The following OLA1 variants were observed in gnomAD, a reference collection of about 807,000 sequenced individuals.
OLA1 encodes the protein Obg like ATPase 1.
In OLA1, 14 loss-of-function variants were observed where a neutral mutation model predicts 48.4. The observed-to-expected ratio is 0.29, with a 90% CI of 0.19 to 0.45. The LOEUF (loss-of-function observed/expected upper bound fraction) is 0.45. Ranked by LOEUF, OLA1 falls within the 20% of genes least tolerant of loss-of-function variation. The pLI is 1.00. For synonymous variants in OLA1, 127 were observed against 150.4 expected (o/e 0.84, Z 1.14); for missense variants, 325 against 467.1 (o/e 0.70, Z 2.80).
intron 4 of OLA1, among the ~76,000 whole-genome samples, chr2:174,188,974 T>A (rs1687716486): frequency 6.6e-6 from 1 of 152,132 alleles, no homozygotes; most frequent in African/African-American, 2.4e-5. Context: ...ATATCTTAAT[T>A]ATATAAAAGG....
At chr2:174,245,666 G>A (rs191339990) in intron 2 of OLA1, among the ~76,000 whole-genome samples, 18 of 152,328 alleles carry the variant, frequency 1.2e-4, no homozygotes, top group African/African-American at 4.1e-4. Flanking sequence ...AGCCAAGGCA[G>A]GCAGATCACC....
intron 2 of OLA1, among the ~76,000 whole-genome samples, chr2:174,244,829 G>A (rs189069502): frequency 2.2e-4 from 33 of 151,904 alleles, no homozygotes; most frequent in African/African-American, 7.0e-4. Context: ...ATGGGGTTTC[G>A]CCATGTTGGC....
At chr2:174,123,526 C>G in intron 6 of OLA1, 69 bp downstream of exon 6, 1 of 905,824 alleles carries the variant, frequency 1.1e-6, no homozygotes, top group Non-Finnish European at 1.7e-6. Context: ...AAAATAACAA[C>G]AACTCTAATT....
At chr2:174,246,882 A>G (rs1689137102) in intron 1 of OLA1, 67 bp from the exon 2 acceptor site, 3 of 834,768 alleles carry the variant, frequency 3.6e-6, no homozygotes, top group Non-Finnish European at 6.0e-6. Context: ...AACACATTTC[A>G]TCACATACAA....
chr2:174,174,035 C>CAAAAAAAAAAAA (rs112671944), intron 4 of OLA1, among the ~76,000 whole-genome samples: 2 of 135,602 alleles, frequency 1.5e-5, no homozygotes, highest in African/African-American at 2.7e-5. Flanking sequence ...CACACACACA[C>CAAAAAAAAAAAA]AAAAAAAAAA....
chr2:174,149,334 C>A (rs1216638245), intron 4 of OLA1, among the ~76,000 whole-genome samples: 2 of 152,058 alleles, frequency 1.3e-5, no homozygotes, highest in African/African-American at 4.8e-5. Flanking sequence ...TTTCTCTGGT[C>A]ATTTCTTTTC....
At chr2:174,183,328 G>A (rs1262862203) in intron 4 of OLA1, among the ~76,000 whole-genome samples, 2 of 152,220 alleles carry the variant, frequency 1.3e-5, no homozygotes, top group Non-Finnish European at 2.9e-5. Flanking sequence ...GTGCAATGAT[G>A]AGCCAAACTA....
chr2:174,100,719 T>C (rs1685373012), intron 7 of OLA1, among the ~76,000 whole-genome samples: 1 of 152,154 alleles, frequency 6.6e-6, no homozygotes, highest in Non-Finnish European at 1.5e-5. Context: ...AATGTACAGA[T>C]CTTAGATGTT....
At chr2:174,203,680 T>C (rs191085271) in intron 4 of OLA1, among the ~76,000 whole-genome samples, 9 of 152,274 alleles carry the variant, frequency 5.9e-5, no homozygotes, top group Admixed American at 5.2e-4. Context: ...TCCTCCATTT[T>C]ACTCTAGATA....
intron 4 of OLA1, among the ~76,000 whole-genome samples, chr2:174,144,949 A>ATATATATATAT (rs1328085797): frequency 2.2e-3 from 126 of 56,966 alleles, no homozygotes; most frequent in East Asian, 0.018. Context: ...AAAAAAAAAA[A>ATATATATATAT]AAATATATAT....
intron 2 of OLA1, among the ~76,000 whole-genome samples, chr2:174,231,532 T>C (rs553714320): frequency 6.8e-4 from 104 of 152,336 alleles, no homozygotes; most frequent in African/African-American, 2.4e-3. Context: ...TTTTATATCG[T>C]CTACCTGGAC....
intron 7 of OLA1, among the ~76,000 whole-genome samples, chr2:174,114,290 A>G (rs953504231): frequency 1.1e-4 from 15 of 131,800 alleles, no homozygotes; most frequent in African/African-American, 4.2e-4. Context: ...TGCAGTGGGC[A>G]GAGATCGCGC....
At position 174,144,951 on chromosome 2, in the gene OLA1, A is replaced by AATATATATATAT. The variant is rs71021672; in HGVS notation, c.374-2963_374-2952dup. ...TGTTTAAAAAAAAAAAAAAAAAAAA[A>AATATATATATAT]ATATATATATATATATATATATATA... On this transcript the variant is annotated intron_variant, in intron 4 of 10. Coordinates refer to ENST00000284719, the MANE Select transcript of OLA1 (RefSeq NM_013341.5). Among the ~76,000 whole-genome samples, 41 of 40,282 alleles carry AATATATATATAT rather than the reference A, an allele frequency of 1.0e-3. 1 individual carries two copies. Among genetic ancestry groups the AATATATATATAT allele is most frequent in the East Asian group, 5.8e-3 (3 of 518 alleles). 26.4% of individuals were successfully genotyped at this position (40,282 alleles called of 152,430 possible).
intron 4 of OLA1, among the ~76,000 whole-genome samples, chr2:174,168,550 C>G (rs1687221475): frequency 1.3e-5 from 2 of 151,898 alleles, no homozygotes; most frequent in African/African-American, 4.8e-5. Context: ...TGAGATTATC[C>G]AGATGCTGAA....
intron 2 of OLA1, among the ~76,000 whole-genome samples, chr2:174,236,931 C>T (rs983519434): frequency 6.6e-6 from 1 of 152,180 alleles, no homozygotes; most frequent in Admixed American, 6.5e-5. Flanking sequence ...TAGGACATTA[C>T]TGCACACTAC....
chr2:174,134,140 C>T (rs1362235059), intron 5 of OLA1, among the ~76,000 whole-genome samples: 1 of 152,184 alleles, frequency 6.6e-6, no homozygotes, highest in East Asian at 1.9e-4. Context: ...AATATTGCCA[C>T]TATGAACATA....
chr2:174,187,211 C>T (rs1359711669), intron 4 of OLA1, among the ~76,000 whole-genome samples: 4 of 152,122 alleles, frequency 2.6e-5, no homozygotes, highest in African/African-American at 9.7e-5. Context: ...AATACACTGA[C>T]ACATTTGCCA....
At chr2:174,162,469 T>C (rs1042239076) in intron 4 of OLA1, among the ~76,000 whole-genome samples, 2 of 152,238 alleles carry the variant, frequency 1.3e-5, no homozygotes, top group Non-Finnish European at 1.5e-5. Flanking sequence ...GAAGGTATTA[T>C]TGCTTCCTAT....
intron 7 of OLA1, among the ~76,000 whole-genome samples, chr2:174,092,676 G>C (rs897656114): frequency 6.6e-6 from 1 of 152,014 alleles, no homozygotes; most frequent in African/African-American, 2.4e-5. Context: ...AGAACATTCA[G>C]AGAAGCATGT....
Sources: gnomAD v4.1 joint callset for allele counts (sites outside exome capture counted in the v4.1 genomes callset) on GRCh38, gnomAD v4.1.1 for gene constraint, MANE v1.5 for transcripts, NCBI Gene and HGNC (gene_info 2026-07-23, HGNC 2026-07-21) for gene names.